SAMMSON: variants seen among roughly 807,000 people sequenced by gnomAD.
SAMMSON encodes the protein survival associated mitochondrial melanoma specific oncogenic non-coding RNA.
In SAMMSON at chr3:70,418,999, C is replaced by CTCTCTCTCTCTCTCTT. The variant is rs1553664169; in HGVS notation, n.234-43558_234-43557insCTCTCTCTCTCTTTCT. 2.8e-4 allele frequency among the ~76,000 whole-genome samples: 34 copies of CTCTCTCTCTCTCTCTT among 119,340 alleles called. 1 individual carries two copies. Among genetic ancestry groups the CTCTCTCTCTCTCTCTT allele is most frequent in the Admixed American group, 1.5e-3 (16 of 10,492 alleles). 78.3% of individuals were successfully genotyped at this position (119,340 alleles called of 152,430 possible). A position where few individuals can be genotyped will look rare whatever the true frequency, so the allele number is the denominator to read the frequency against. ...CTTCCTTCTCTCTCTCTCTCTCTCTCTCTTTCTTTCTTTCTTTCCTTCTTT... is the reference window on the plus strand; with the variant it reads ...CTTCCTTCTCTCTCTCTCTCTCTCTCTCTCTCTCTCTCTCTTTCTTTCTTTCTTTCTTTCCTTCTTT... On this transcript the variant is annotated intron_variant and non_coding_transcript_variant, in intron 2 of 3. Coordinates refer to the SAMMSON transcript ENST00000641053.
intron 4 of SAMMSON, among the ~76,000 whole-genome samples, chr3:70,114,224 T>A (rs762012024): frequency 6.6e-6 from 1 of 152,180 alleles, no homozygotes; most frequent in Non-Finnish European, 1.5e-5. Flanking sequence ...TTTCCTTATG[T>A]GTGTTTATAA....
At chr3:70,123,629 G>A (rs1033864639) in intron 4 of SAMMSON, among the ~76,000 whole-genome samples, 4 of 152,238 alleles carry the variant, frequency 2.6e-5, no homozygotes, top group Admixed American at 2.6e-4. Flanking sequence ...GGTGATTATG[G>A]CGTTCAGCCA....
chr3:70,087,046 G>C (rs1368234035), intron 4 of SAMMSON, among the ~76,000 whole-genome samples: 1 of 152,146 alleles, frequency 6.6e-6, no homozygotes, highest in Admixed American at 6.5e-5. Context: ...TTCTGAACCT[G>C]AAAGATGCCA....
chr3:70,394,575 G>A (rs1559579947), downstream of SAMMSON, among the ~76,000 whole-genome samples: 1 of 152,098 alleles, frequency 6.6e-6, no homozygotes, highest in Non-Finnish European at 1.5e-5. Flanking sequence ...TGCAGTTTGG[G>A]AATATGAAAA....
At chr3:70,025,838 A>C (rs1426094011) in intron 3 of SAMMSON, among the ~76,000 whole-genome samples, 1 of 152,142 alleles carries the variant, frequency 6.6e-6, no homozygotes, top group East Asian at 1.9e-4. Context: ...AGAAAAGAAA[A>C]TGTTATTAAA....
chr3:70,381,555 A>G (rs571820491), intron 9 of SAMMSON, among the ~76,000 whole-genome samples: 143 of 152,316 alleles, frequency 9.4e-4, no homozygotes, highest in Middle Eastern at 3.4e-3. Context: ...TTAATAAATG[A>G]GACAACCAGA....
chr3:70,304,869 G>A (rs1365248714), intron 7 of SAMMSON, among the ~76,000 whole-genome samples: 2 of 151,974 alleles, frequency 1.3e-5, no homozygotes, highest in Admixed American at 6.6e-5. Context: ...TCCAATTTAA[G>A]CACCTTCTTT....
Position 70,165,003 on chromosome 3 carries a change from A to G in SAMMSON, n.508-84104A>G, listed in dbSNP as rs556104313. On this transcript the variant is annotated intron_variant and non_coding_transcript_variant, in intron 4 of 9. Transcript: ENST00000642114. ...TTTCAAGATATGTTTCAAGATATGT[A>G]CAGATAGATTTTTAAGACATATATA... is the stretch of plus-strand genomic sequence containing the variant. Among the ~76,000 whole-genome samples the G allele has an allele frequency of 2.7e-3, 407 of 152,132 alleles. 3 individuals are homozygous for G. Among genetic ancestry groups the G allele is most frequent in the South Asian group, 0.02 (97 of 4,826 alleles).
At chr3:70,330,708 T>C (rs1702616408) in intron 7 of SAMMSON, among the ~76,000 whole-genome samples, 1 of 152,118 alleles carries the variant, frequency 6.6e-6, no homozygotes, top group Non-Finnish European at 1.5e-5. Flanking sequence ...AAGATGTTTT[T>C]GGTTTTTAAT....
At chr3:70,219,224 G>C (rs769333550) in intron 4 of SAMMSON, among the ~76,000 whole-genome samples, 9 of 152,172 alleles carry the variant, frequency 5.9e-5, no homozygotes, top group Non-Finnish European at 1.3e-4. Context: ...GGGTTTGATA[G>C]TATTGGGAAA....
intron 2 of SAMMSON, among the ~76,000 whole-genome samples, chr3:70,407,432 G>A (rs1398184548): frequency 2.0e-5 from 3 of 152,158 alleles, no homozygotes; most frequent in African/African-American, 7.2e-5. Flanking sequence ...TTACTTCCTA[G>A]ATACAATGGG....
At chr3:70,186,060 A>G (rs1032898525) in intron 4 of SAMMSON, among the ~76,000 whole-genome samples, 1 of 152,076 alleles carries the variant, frequency 6.6e-6, no homozygotes, top group Non-Finnish European at 1.5e-5. Context: ...ACAGAGATCT[A>G]TTTATTCTAT....
At chr3:70,350,154 C>A (rs1270056906) in intron 7 of SAMMSON, among the ~76,000 whole-genome samples, 1 of 152,156 alleles carries the variant, frequency 6.6e-6, no homozygotes, top group African/African-American at 2.4e-5. Flanking sequence ...AAAACAAATT[C>A]TGTGGGTGAC....
At chr3:70,211,513 C>T (rs1701347930) in intron 4 of SAMMSON, among the ~76,000 whole-genome samples, 1 of 48,914 alleles carries the variant, frequency 2.0e-5, no homozygotes, top group Non-Finnish European at 4.1e-5. Context: ...CTTTGCCCTT[C>T]CCTTCCCTTC....
At chr3:70,423,681 G>T (rs550016798) in intron 2 of SAMMSON, among the ~76,000 whole-genome samples, 1 of 152,294 alleles carries the variant, frequency 6.6e-6, no homozygotes, top group Non-Finnish European at 1.5e-5. Flanking sequence ...GGTCTAAAAA[G>T]TATAGGCTCA....
chr3:70,106,632 G>A (rs770978652), intron 4 of SAMMSON, among the ~76,000 whole-genome samples: 14 of 151,740 alleles, frequency 9.2e-5, no homozygotes, highest in Non-Finnish European at 1.9e-4. Context: ...GGGCCACAGC[G>A]CCTAGCCAGA....
chr3:70,404,292 A>G (rs1387817343), intron 2 of SAMMSON, among the ~76,000 whole-genome samples: 1 of 151,748 alleles, frequency 6.6e-6, no homozygotes, highest in Non-Finnish European at 1.5e-5. Context: ...TTATGAAAAA[A>G]CTCATTATCC....
chr3:70,401,046 T>A (rs9849450), intron 2 of SAMMSON, among the ~76,000 whole-genome samples: 1 of 152,076 alleles, frequency 6.6e-6, no homozygotes. Flanking sequence ...CTAATGTCAA[T>A]GTTATCCACT....
chr3:70,255,498 T>C (rs941250475), intron 6 of SAMMSON, among the ~76,000 whole-genome samples: 3 of 152,208 alleles, frequency 2.0e-5, no homozygotes, highest in African/African-American at 7.2e-5. Flanking sequence ...CACAGTTAAC[T>C]GCAGCCTTGA....
Sources: gnomAD v4.1 joint callset for allele counts (sites outside exome capture counted in the v4.1 genomes callset) on GRCh38, gnomAD v4.1.1 for gene constraint, MANE v1.5 for transcripts, NCBI Gene and HGNC (gene_info 2026-07-23, HGNC 2026-07-21) for gene names.